Variants in PLEKHA6 observed in about 807,000 individuals in gnomAD.
PLEKHA6 encodes pleckstrin homology domain containing A6, also known as pleckstrin homology domain-containing family A member 6.
Under a neutral mutation model 116.7 loss-of-function variants are expected in PLEKHA6, and 60 were observed. The observed-to-expected ratio is 0.51, with a 90% CI of 0.42 to 0.64. The LOEUF (loss-of-function observed/expected upper bound fraction) is 0.64. Among genes scored for constraint, PLEKHA6 ranks in the 30% least tolerant of loss-of-function variants. The pLI, the probability that PLEKHA6 is intolerant of heterozygous loss-of-function variation, is 0.00. For missense variants in PLEKHA6, 1,338 were observed against 1,422.7 expected (o/e 0.94, Z 0.96); for synonymous variants, 489 against 556.1 (o/e 0.88, Z 1.70).
chr1:204,266,981 G>A (rs1666905003), intron 5 of PLEKHA6, among the ~76,000 whole-genome samples: 1 of 152,218 alleles, frequency 6.6e-6, no homozygotes, highest in South Asian at 2.1e-4. Flanking sequence ...TATTGACTGA[G>A]CACCGACTAA....
Position 204,228,238 on chromosome 1 carries a change from C to G in PLEKHA6, c.2886-10G>C. On this transcript the variant is annotated splice_polypyrimidine_tract_variant and intron_variant, in intron 20 of 22. Coordinates refer to ENST00000272203, the MANE Select transcript of PLEKHA6 (RefSeq NM_014935.5). The surrounding 1 kb of genome is among the most constrained non-coding windows in gnomAD (Gnocchi z 4.0). ...CACCACGTTCTGCATACTGAAGAGG[C>G]ACAGACACACAGAAATGGAGGGAGG... 6.3e-7 allele frequency: 1 copy of G among 1,582,214 alleles called. No homozygotes were observed. Among genetic ancestry groups the G allele is most frequent in the Non-Finnish European group, 8.6e-7 (1 of 1,159,778 alleles).
intron 1 of PLEKHA6, among the ~76,000 whole-genome samples, chr1:204,338,437 C>G (rs535359405): frequency 1.3e-5 from 2 of 152,282 alleles, no homozygotes; most frequent in South Asian, 4.1e-4. Flanking sequence ...TTCATAAGAA[C>G]TCATTAGTTC....
intron 1 of PLEKHA6, among the ~76,000 whole-genome samples, chr1:204,358,860 G>A (rs1673487885): frequency 6.6e-6 from 1 of 151,686 alleles, no homozygotes. Context: ...GTCTCAAAGA[G>A]CATTTCCCAG....
chr1:204,320,501 T>C (rs1418985188), intron 1 of PLEKHA6: 1 of 983,004 alleles, frequency 1.0e-6, no homozygotes, highest in Non-Finnish European at 1.2e-6. Flanking sequence ...GGTGCCTGCA[T>C]GACTCAGGGA....
At chr1:204,253,890 C>T (rs904115670) in intron 9 of PLEKHA6, among the ~76,000 whole-genome samples, 2 of 151,408 alleles carry the variant, frequency 1.3e-5, no homozygotes, top group Admixed American at 6.6e-5. Context: ...AGGAATAATA[C>T]CCTTTATCCA....
At chr1:204,242,993 G>C (rs1663055429) in intron 15 of PLEKHA6, 1 of 398,600 alleles carries the variant, frequency 2.5e-6, no homozygotes, top group Non-Finnish European at 4.4e-6. Flanking sequence ...GGGTGCCGTA[G>C]AAACCGACCT....
chr1:204,370,825 G>A (rs1442860090), intron 2 of PLEKHA6, among the ~76,000 whole-genome samples: 3 of 152,112 alleles, frequency 2.0e-5, no homozygotes, highest in East Asian at 1.9e-4. Context: ...AAGTCGAGGT[G>A]GGTGGATCAC....
intron 1 of PLEKHA6, among the ~76,000 whole-genome samples, chr1:204,340,822 A>G (rs1224946616): frequency 6.6e-6 from 1 of 152,240 alleles, no homozygotes; most frequent in African/African-American, 2.4e-5. Context: ...GGAATCAGAC[A>G]GGGTGCTGAT....
intron 1 of PLEKHA6, among the ~76,000 whole-genome samples, chr1:204,313,272 C>A (rs546426862): frequency 6.6e-6 from 1 of 152,080 alleles, no homozygotes; most frequent in Non-Finnish European, 1.5e-5. Context: ...CCTGACTAAT[C>A]GCCCTGTTGG....
In PLEKHA6 at chr1:204,223,865, T is replaced by G. The variant is rs77065228; in HGVS notation, c.3032-280A>C. Among the ~76,000 whole-genome samples, 924 of 151,836 alleles carry G rather than the reference T, an allele frequency of 6.1e-3. 5 individuals are homozygous for G. Among genetic ancestry groups the G allele is most frequent in the Non-Finnish European group, 9.7e-3 (656 of 67,910 alleles). On this transcript the variant is annotated intron_variant, in intron 21 of 22. Transcript: ENST00000272203. The surrounding 1 kb of genome is among the most constrained non-coding windows in gnomAD (Gnocchi z 4.8). ...GCCAGGCCATCTCTGGGCAAAGGGC[T>G]CCCCTCCCATCCACACAATGGGGAG... is the stretch of plus-strand genomic sequence containing the variant.
At chr1:204,244,014 G>A (rs1663244994) in intron 15 of PLEKHA6, among the ~76,000 whole-genome samples, 1 of 151,190 alleles carries the variant, frequency 6.6e-6, no homozygotes, top group East Asian at 2.0e-4. Flanking sequence ...GTAGAGACAG[G>A]GTTTCACTGT....
chr1:204,332,610 G>C (rs1672495947), intron 1 of PLEKHA6, among the ~76,000 whole-genome samples: 1 of 152,176 alleles, frequency 6.6e-6, no homozygotes, highest in African/African-American at 2.4e-5. Context: ...TTGAACTCTT[G>C]ACCTCGTGAT....
At position 204,310,550 on chromosome 1, in the gene PLEKHA6, A is replaced by G. The variant is rs1356079953; in HGVS notation, c.-94-35741T>C. 2.0e-5 allele frequency among the ~76,000 whole-genome samples: 3 copies of G among 152,198 alleles called. No individual in the cohort carries two copies. The East Asian group carries it at 5.8e-4, about 29-fold the overall frequency. On this transcript the variant is annotated intron_variant, in intron 1 of 22. Transcript: ENST00000272203. Reference sequence around the variant, plus strand: ...TCTTTACCACTCAACTGTCATTTACATACAACCTTGACCCTCAACTGACTT... The same window carrying G: ...TCTTTACCACTCAACTGTCATTTACGTACAACCTTGACCCTCAACTGACTT...
At chr1:204,289,291 T>C (rs546074273) in intron 1 of PLEKHA6, among the ~76,000 whole-genome samples, 10 of 152,308 alleles carry the variant, frequency 6.6e-5, no homozygotes, top group African/African-American at 2.4e-4. Context: ...AAATGGGATA[T>C]ACAGAGAATA....
intron 1 of PLEKHA6, among the ~76,000 whole-genome samples, chr1:204,349,684 C>A (rs986744210): frequency 5.3e-5 from 8 of 152,338 alleles, no homozygotes; most frequent in African/African-American, 1.9e-4. Flanking sequence ...CTTGCTGCTT[C>A]TGGCCCTAGG....
At chr1:204,351,381 T>C (rs913655881) in intron 1 of PLEKHA6, among the ~76,000 whole-genome samples, 2 of 152,136 alleles carry the variant, frequency 1.3e-5, no homozygotes, top group Non-Finnish European at 2.9e-5. Context: ...TCTACAGAGT[T>C]CCGGTCGCCT....
At chr1:204,294,597 C>G (rs922605222) in intron 1 of PLEKHA6, among the ~76,000 whole-genome samples, 20 of 152,170 alleles carry the variant, frequency 1.3e-4, no homozygotes, top group African/African-American at 4.8e-4. Context: ...ACCAGCTAAT[C>G]CTTTCGTTTA....
rs74138448 is a variant in PLEKHA6, at chr1:204,279,482, G to A, written c.-94-4673C>T. ...AAAGGGAAACAAGGACAGGTAATCC[G>A]TTTTCTCCTTCTTCTCTCCTTCCTT... On this transcript the variant is annotated intron_variant, in intron 1 of 22. Coordinates refer to ENST00000272203, the MANE Select transcript of PLEKHA6 (RefSeq NM_014935.5). 4.9e-3 allele frequency among the ~76,000 whole-genome samples: 742 copies of A among 152,308 alleles called. 4 individuals carry two copies. Among genetic ancestry groups the A allele is most frequent in the African/African-American group, 0.017 (704 of 41,560 alleles).
chr1:204,341,010 G>A (rs1191446524), intron 1 of PLEKHA6, among the ~76,000 whole-genome samples: 1 of 152,186 alleles, frequency 6.6e-6, no homozygotes, highest in Non-Finnish European at 1.5e-5. Context: ...ATGTGGGGAA[G>A]ACTGGGGTGC....
Sources: allele counts gnomAD v4.1 joint callset (sites outside exome capture counted in the v4.1 genomes callset), GRCh38; gene constraint gnomAD v4.1.1; non-coding constraint Gnocchi (gnomAD v3.1); transcripts MANE v1.5; gene names NCBI Gene and HGNC (gene_info 2026-07-23, HGNC 2026-07-21).